The following BRICD5 variants were observed in gnomAD, a reference collection of about 807,000 sequenced individuals.
BRICD5 encodes BRICHOS domain containing 5, also known as BRICHOS domain-containing protein 5.
A neutral mutation model predicts 28.4 loss-of-function variants in BRICD5; 51 were observed. The ratio of observed to expected loss-of-function variants is 1.80; its 90% CI spans 1.43 to 2.27. BRICD5 has a LOEUF of 2.27. BRICD5 is among the 30% of genes most tolerant of loss of function. The pLI is 0.00. For missense variants in BRICD5, 456 were observed against 309.6 expected (o/e 1.47, Z -3.55); for synonymous variants, 177 against 130.2 (o/e 1.36, Z -2.44).
At chr16:2,210,706 G>A in intron 1 of BRICD5, 56 bp from the exon 2 acceptor site, 1 of 1,610,450 alleles carries the variant, frequency 6.2e-7, no homozygotes, top group Non-Finnish European at 8.5e-7. Context: ...GGGAGCAAGT[G>A]GGCTGGGGAA....
Position 2,210,554 on chromosome 16 carries a change from C to T in BRICD5, c.148G>A (p.Gly50Arg), listed in dbSNP as rs756217683. 5.6e-6 allele frequency: 9 copies of T among 1,612,630 alleles called. No homozygotes were observed. The South Asian group carries it at 7.7e-5, about 14-fold the overall frequency. The change falls in exon 2 of 6, where the codon GGG (glycine) becomes AGG (arginine). Residue 50 changes from glycine (G) to arginine (R), a missense_variant. Transcript: ENST00000328540. Reference protein sequence around the residue: ...VLAAVGVVAGGLLGSAQGPPK... With the variant: ...VLAAVGVVAGRLLGSAQGPPK... ...GGGCCCTGAGCAGAGCCAAGAAGCC[C>T]TCCAGCCACAACCCCCACAGCGGCC... is the stretch of plus-strand genomic sequence containing the variant.
rs899171923 is a variant in BRICD5, at chr16:2,210,063, G to A, written c.337-12C>T. The stretch of plus-strand genomic sequence containing the variant: ...TAACAGATGCAGCCCTGGGGAGGCA[G>A]GGGGGTGAGGCGGGGCCCCCCAGAC... On this transcript the variant is annotated splice_polypyrimidine_tract_variant and intron_variant, in intron 3 of 5. Coordinates refer to ENST00000328540, the MANE Select transcript of BRICD5 (RefSeq NM_182563.4). 2 of 1,599,204 alleles carry A rather than the reference G, an allele frequency of 1.3e-6. No individual in the cohort carries two copies. The highest frequency in any genetic ancestry group is 1.1e-5 in the South Asian group (1 of 89,676).
Position 2,210,858 on chromosome 16 carries a change from C to T in BRICD5, c.-25G>A, listed in dbSNP as rs567360004. 1.2e-6 allele frequency: 2 copies of T among 1,600,050 alleles called. No homozygotes were observed. Among genetic ancestry groups the T allele is most frequent in the Non-Finnish European group, 1.7e-6 (2 of 1,179,778 alleles). On this transcript the variant is annotated 5_prime_UTR_variant, in exon 1 of 6. Coordinates refer to ENST00000328540, the MANE Select transcript of BRICD5 (RefSeq NM_182563.4). ...TCCTGCAGCCCCTGCTCACAATGTG[C>T]CGATTGTCTGCGTCCCTTGTCTGCA...
Position 2,209,719 on chromosome 16 carries a change from C to A in BRICD5, c.439-13G>T. 2 of 1,596,198 alleles carry A rather than the reference C, an allele frequency of 1.3e-6. No individual in the cohort carries two copies. The highest frequency in any genetic ancestry group is 1.7e-6 in the Non-Finnish European group (2 of 1,169,586). On this transcript the variant is annotated splice_polypyrimidine_tract_variant and intron_variant, in intron 4 of 5. Transcript: ENST00000328540. ...AAGCCTCTTGGACCTGTTGAGAAGGCTCTGGTGGGCGGTGGGACAGGGCTG... is the reference window on the plus strand; with the variant it reads ...AAGCCTCTTGGACCTGTTGAGAAGGATCTGGTGGGCGGTGGGACAGGGCTG...
Position 2,210,801 on chromosome 16 carries a change from G to A in BRICD5, c.33C>T (p.Pro11=). Residue 11 remains proline (P), a synonymous_variant, in exon 1 of 6, where the codon CCC becomes CCT. Transcript: ENST00000328540. MEPASCCAER[P]KPGPTGVKTK... is the part of the protein sequence containing the mutation. Reference sequence around the variant, plus strand: ...CACTCACCCCTGTAGGCCCAGGTTTGGGGCGCTCAGCACAGCAGCTTGCTG... The same window carrying A: ...CACTCACCCCTGTAGGCCCAGGTTTAGGGCGCTCAGCACAGCAGCTTGCTG... 6.2e-7 allele frequency: 1 copy of A among 1,605,230 alleles called. No homozygotes were observed. Among genetic ancestry groups the A allele is most frequent in the Non-Finnish European group, 8.5e-7 (1 of 1,179,934 alleles).
intron 4 of BRICD5, 37 bp from the exon 5 acceptor site, chr16:2,209,743 T>C: frequency 1.3e-6 from 2 of 1,557,008 alleles, no homozygotes; most frequent in Non-Finnish European, 1.7e-6. Flanking sequence ...GGGACAGGGC[T>C]GCTCCCTGCT....
rs781049601 is a variant in BRICD5 at position 2,210,808 on chromosome 16, T to G, written c.26A>C (p.Glu9Ala). ...CCCTGTAGGCCCAGGTTTGGGGCGC[T>G]CAGCACAGCAGCTTGCTGGTTCCAT... is the stretch of plus-strand genomic sequence containing the variant. Reference protein sequence around the residue: MEPASCCAERPKPGPTGVK... With the variant: MEPASCCAARPKPGPTGVK... The change falls in exon 1 of 6, where the codon GAG becomes GCG. Residue 9 changes from glutamate to alanine, a missense_variant. Coordinates refer to ENST00000328540, the MANE Select transcript of BRICD5 (RefSeq NM_182563.4). The G allele has an allele frequency of 3.6e-5, 57 of 1,604,640 alleles. No homozygotes were observed. The highest frequency in any genetic ancestry group is 4.8e-5 in the Non-Finnish European group (57 of 1,179,924).
In BRICD5 at chr16:2,210,584, C is replaced by CCAG. The variant is rs745438012; in HGVS notation, c.115_117dup (p.Leu39dup). On this transcript the variant is annotated inframe_insertion, in exon 2 of 6. Transcript: ENST00000328540. ...GCCACAACCCCCACAGCGGCCAGCACCAGCAGCAGCAGCAGCAGGAGCAGG... is the reference window on the plus strand; with the variant it reads ...GCCACAACCCCCACAGCGGCCAGCACCAGCAGCAGCAGCAGCAGCAGGAGCAGG... The CCAG allele has an allele frequency of 1.4e-4, 210 of 1,468,116 alleles. 1 individual carries two copies. The highest frequency in any genetic ancestry group is 4.1e-4 in the South Asian group (34 of 82,666). The allele number at this position is 1,468,116 out of a possible 1,614,324, so 90.9% of individuals were successfully genotyped here.
chr16:2,209,825 G>C (rs982507359), intron 4 of BRICD5, 119 bp from the exon 5 acceptor site: 1 of 1,396,988 alleles, frequency 7.2e-7, no homozygotes, highest in African/African-American at 1.4e-5. Context: ...TCAGCAGCCT[G>C]GGCTTAGGGC....
In BRICD5 at chr16:2,210,254, G is replaced by A; in HGVS notation, c.208C>T (p.Leu70Phe). 6.5e-7 allele frequency: 1 copy of A among 1,546,278 alleles called. No individual in the cohort carries two copies. The highest frequency in any genetic ancestry group is 8.7e-7 in the Non-Finnish European group (1 of 1,147,458). Residue 70 changes from leucine to phenylalanine, a missense_variant, in exon 3 of 6, where the codon CTC becomes TTC. Leu to Phe is a conservative substitution (Grantham distance 22, BLOSUM62 0). Coordinates refer to ENST00000328540, the MANE Select transcript of BRICD5 (RefSeq NM_182563.4). ...KPRLQTLRMTLPSPHMPRPNQ... is the reference protein window; with the variant it reads ...KPRLQTLRMTFPSPHMPRPNQ... Reference sequence around the variant, plus strand: ...GGCCGGGGCATGTGGGGGCTCGGGAGGGTCATTCGCAGCGTCTGCAGCCTT... The same window carrying A: ...GGCCGGGGCATGTGGGGGCTCGGGAAGGTCATTCGCAGCGTCTGCAGCCTT...
At chr16:2,209,481 C>G (rs372865097) in intron 5 of BRICD5, 25 bp from the exon 6 acceptor site, 7 of 1,613,228 alleles carry the variant, frequency 4.3e-6, no homozygotes, top group African/African-American at 4.0e-5. Context: ...CCGTGAATCT[C>G]CAAGGGCTCC....
rs1392248572 is a variant in BRICD5 at position 2,210,311 on chromosome 16, C to A, written c.181-30G>T. 2.0e-6 allele frequency: 3 copies of A among 1,507,056 alleles called. No homozygotes were observed. The African/African-American group carries it at 4.1e-5, about 21-fold the overall frequency. 93.4% of individuals were successfully genotyped at this position (1,507,056 alleles called of 1,614,324 possible). A position where few individuals can be genotyped will look rare whatever the true frequency, so the allele number is the denominator to read the frequency against. Reference sequence around the variant, plus strand: ...CAGTGGGAGTTGGAGTTCAGCCGGGCAGCTGTGCAACCCCAGCACAGCCTC... The same window carrying A: ...CAGTGGGAGTTGGAGTTCAGCCGGGAAGCTGTGCAACCCCAGCACAGCCTC... On this transcript the variant is annotated intron_variant, in intron 2 of 5. Coordinates refer to ENST00000328540, the MANE Select transcript of BRICD5 (RefSeq NM_182563.4).
chr16:2,210,662 T>A lies in BRICD5; in HGVS notation c.52-12A>T, dbSNP rs2093370146. ...GGCTTGGTCTTCACCTGGGCGTGCA[T>A]CAGGGTCAGAAGGGTCATGAGGGTT... On this transcript the variant is annotated splice_polypyrimidine_tract_variant and intron_variant, in intron 1 of 5. Coordinates refer to ENST00000328540, the MANE Select transcript of BRICD5 (RefSeq NM_182563.4). The A allele has an allele frequency of 3.7e-6, 6 of 1,610,622 alleles. No homozygotes were observed. Among genetic ancestry groups the A allele is most frequent in the Non-Finnish European group, 5.1e-6 (6 of 1,178,370 alleles).
At chr16:2,210,724 G>GAT in intron 1 of BRICD5, 59 bp downstream of exon 1, 5 of 1,609,674 alleles carry the variant, frequency 3.1e-6, no homozygotes, top group Non-Finnish European at 4.2e-6. Context: ...GAAGGGAGGG[G>GAT]CTGGGTGGCC....
chr16:2,209,979 T>C lies in BRICD5; in HGVS notation c.409A>G (p.Thr137Ala), dbSNP rs748591783. ...LRLMEDSDRETLRLLVDTSKV... is the reference protein window; with the variant it reads ...LRLMEDSDREALRLLVDTSKV... ...GAGGTATCCACCAGCAGCCGCAGGG[T>C]CTCCCGATCACTGTCCTCCATCAGG... The change falls in exon 4 of 6, where the codon ACC (threonine) becomes GCC (alanine). Residue 137 changes from threonine (T) to alanine (A), a missense_variant. Transcript: ENST00000328540. The C allele has an allele frequency of 6.5e-7, 1 of 1,537,058 alleles. No individual in the cohort carries two copies.
chr16:2,210,187 G>C lies in BRICD5; in HGVS notation c.275C>G (p.Thr92Ser), dbSNP rs755739839. 4 of 1,603,462 alleles carry C rather than the reference G, an allele frequency of 2.5e-6. No individual in the cohort carries two copies. Among genetic ancestry groups the C allele is most frequent in the Non-Finnish European group, 3.4e-6 (4 of 1,176,580 alleles). The change falls in exon 3 of 6, where the codon ACC (threonine) becomes AGC (serine). Residue 92 changes from threonine (T) to serine (S), a missense_variant. Coordinates refer to ENST00000328540, the MANE Select transcript of BRICD5 (RefSeq NM_182563.4). ...ILVDVARNAA[T>S]ITVTPPQSNH... ...GCTCTGAGGTGGGGTCACTGTGATG[G>C]TCGCCGCGTTCCGGGCCACGTCCAC...
rs2093359675 is a variant in BRICD5 at position 2,209,363 on chromosome 16, C to T, written c.686G>A (p.Ter229=). ...GCCAGGCTGGGCCAGGTCGGGGGCT[C>T]AGTCTGGGAGGTAATAAAAGCAGAC... is the stretch of plus-strand genomic sequence containing the variant. ...VSVCFYYLPD[*] Residue 229 remains the stop codon, a stop_retained_variant, in exon 6 of 6, where the codon TGA becomes TAA. Coordinates refer to ENST00000328540, the MANE Select transcript of BRICD5 (RefSeq NM_182563.4). 2 of 1,609,562 alleles carry T rather than the reference C, an allele frequency of 1.2e-6. No individual in the cohort carries two copies. The highest frequency in any genetic ancestry group is 1.7e-6 in the Non-Finnish European group (2 of 1,176,616).
chr16:2,209,378 T>C lies in BRICD5; in HGVS notation c.671A>G (p.Tyr224Cys), dbSNP rs2093359849. The C allele has an allele frequency of 6.2e-7, 1 of 1,613,198 alleles. No individual in the cohort carries two copies. Among genetic ancestry groups the C allele is most frequent in the Non-Finnish European group, 8.5e-7 (1 of 1,179,598 alleles). The part of the protein sequence containing the change: ...PSNICVSVCF[Y>C]YLPD The stretch of plus-strand genomic sequence containing the variant: ...GTCGGGGGCTCAGTCTGGGAGGTAA[T>C]AAAAGCAGACCGACACGCAGATGTT... The change falls in exon 6 of 6, where the codon TAT becomes TGT. Residue 224 changes from tyrosine to cysteine, a missense_variant. By Grantham distance (194) the Tyr-to-Cys change is radical. Coordinates refer to ENST00000328540, the MANE Select transcript of BRICD5 (RefSeq NM_182563.4).
At chr16:2,209,764 C>A in intron 4 of BRICD5, 58 bp from the exon 5 acceptor site, 2 of 1,524,350 alleles carry the variant, frequency 1.3e-6, no homozygotes, top group South Asian at 1.2e-5. Context: ...CCTGGCTTGG[C>A]AGGGCCGGGT....
Sources: allele counts gnomAD v4.1 joint callset, GRCh38; gene constraint gnomAD v4.1.1; transcripts MANE v1.5; gene names NCBI Gene and HGNC (gene_info 2026-07-23, HGNC 2026-07-21).